Variants in RORB observed in about 807,000 individuals in gnomAD.
RORB encodes RAR related orphan receptor B.
Under a neutral mutation model 59.1 loss-of-function variants are expected in RORB, and 6 were observed. That is an observed-to-expected ratio of 0.10 (90% CI 0.06 to 0.20). The LOEUF is 0.20. Among genes scored for constraint, RORB ranks in the 10% least tolerant of loss-of-function variants. The pLI is 1.00. For synonymous variants in RORB, 215 were observed against 204.5 expected, an observed-to-expected ratio of 1.05 and a Z score of -0.44; for missense variants, 320 against 560.5, an observed-to-expected ratio of 0.57 and a Z score of 4.33.
chr9:74,579,636 G>A (rs892471791), intron 1 of RORB, among the ~76,000 whole-genome samples: 2 of 152,090 alleles, frequency 1.3e-5, no homozygotes, highest in African/African-American at 4.8e-5. Context: ...ACCTGAACTT[G>A]AGAAACCCTT....
intron 1 of RORB, among the ~76,000 whole-genome samples, chr9:74,623,203 T>C (rs1471761298): frequency 1.3e-5 from 2 of 152,178 alleles, no homozygotes; most frequent in Non-Finnish European, 2.9e-5. Context: ...TTGTCAGTAC[T>C]GAGTATCCAA....
rs542742147 is a variant in RORB at position 74,576,077 on chromosome 9, T to C, written c.8-54205T>C. On this transcript the variant is annotated intron_variant, in intron 1 of 9. Coordinates refer to ENST00000376896, the MANE Select transcript of RORB (RefSeq NM_006914.4). ...GATGTTCAATAAATATTAAACAGCC[T>C]CGCTGTTTGTGGGAAGCTTCAAGTA... Among the ~76,000 whole-genome samples, 3 of 152,232 alleles carry C rather than the reference T, an allele frequency of 2.0e-5. No individual in the cohort carries two copies. The East Asian group carries it at 5.8e-4, about 29-fold the overall frequency.
intron 1 of RORB, among the ~76,000 whole-genome samples, chr9:74,580,432 G>A (rs1002437276): frequency 6.6e-6 from 1 of 152,044 alleles, no homozygotes; most frequent in Non-Finnish European, 1.5e-5. Flanking sequence ...TTCCTTGATT[G>A]GGATCCAGAA....
chr9:74,612,662 G>A lies in RORB; in HGVS notation c.8-17620G>A, dbSNP rs543042217. On this transcript the variant is annotated intron_variant, in intron 1 of 9. Transcript: ENST00000376896. ...GCTGGATTTTTATCAAGGCTCAGTAGACATAAAGATGTATAAGTTTCTACC... is the reference window on the plus strand; with the variant it reads ...GCTGGATTTTTATCAAGGCTCAGTAAACATAAAGATGTATAAGTTTCTACC... Among the ~76,000 whole-genome samples the A allele has an allele frequency of 2.0e-5, 3 of 152,230 alleles. No homozygotes were observed. In the South Asian group the frequency reaches 6.2e-4, roughly 32 times the overall value.
intron 1 of RORB, among the ~76,000 whole-genome samples, chr9:74,612,602 T>C (rs776164076): frequency 1.3e-5 from 2 of 152,196 alleles, no homozygotes; most frequent in Non-Finnish European, 2.9e-5. Flanking sequence ...CCTTTGATTC[T>C]CTTTTGTACC....
intron 1 of RORB, among the ~76,000 whole-genome samples, chr9:74,568,699 C>CAAAAAAAAA (rs34771605): frequency 3.7e-5 from 4 of 107,358 alleles, no homozygotes; most frequent in Non-Finnish European, 5.5e-5. Flanking sequence ...GACTCCATCT[C>CAAAAAAAAA]AAAAAAAAAA....
Position 74,599,070 on chromosome 9 carries a change from C to T in RORB, c.8-31212C>T, listed in dbSNP as rs917904709. ...CCACCTGCATAACCCGAACACCTCCCGCTAGACCACACCTCCTGACACTTT... is the reference window on the plus strand; with the variant it reads ...CCACCTGCATAACCCGAACACCTCCTGCTAGACCACACCTCCTGACACTTT... On this transcript the variant is annotated intron_variant, in intron 1 of 9. Coordinates refer to ENST00000376896, the MANE Select transcript of RORB (RefSeq NM_006914.4). Among the ~76,000 whole-genome samples the T allele has an allele frequency of 5.3e-5, 8 of 152,128 alleles. No homozygotes were observed. The East Asian group carries it at 7.7e-4, about 15-fold the overall frequency.
chr9:74,630,904 T>C (rs879421479), intron 2 of RORB, among the ~76,000 whole-genome samples: 4 of 151,934 alleles, frequency 2.6e-5, no homozygotes, highest in Non-Finnish European at 5.9e-5. Context: ...CTAAATCGAC[T>C]AAAATTCACC....
intron 1 of RORB, among the ~76,000 whole-genome samples, chr9:74,513,490 T>A (rs1327882383): frequency 6.6e-6 from 1 of 152,104 alleles, no homozygotes; most frequent in Non-Finnish European, 1.5e-5. Flanking sequence ...TTATCAATTG[T>A]GTTCTAGTGA....
chr9:74,604,158 C>T (rs184350180), intron 1 of RORB, among the ~76,000 whole-genome samples: 1 of 152,098 alleles, frequency 6.6e-6, no homozygotes, highest in Admixed American at 6.6e-5. Flanking sequence ...AGGACATATC[C>T]AATGCTGATG....
At chr9:74,633,018 ACTCT>A (rs372511671) in intron 2 of RORB, among the ~76,000 whole-genome samples, 1 of 151,092 alleles carries the variant, frequency 6.6e-6, no homozygotes, top group East Asian at 1.9e-4. Context: ...GCCAGTTGGG[ACTCT>A]CTCTCTCTCT....
rs1044232777 is a variant in RORB, at chr9:74,618,030, G to A, written c.8-12252G>A. Among the ~76,000 whole-genome samples, 4 of 152,036 alleles carry A rather than the reference G, an allele frequency of 2.6e-5. No individual in the cohort carries two copies. The East Asian group carries it at 5.8e-4, about 22-fold the overall frequency. Reference sequence around the variant, plus strand: ...GCTGGAACATAAATTATATAACAACGTAATTTTCAGTGCAGAAATTGACAA... The same window carrying A: ...GCTGGAACATAAATTATATAACAACATAATTTTCAGTGCAGAAATTGACAA... On this transcript the variant is annotated intron_variant, in intron 1 of 9. Coordinates refer to ENST00000376896, the MANE Select transcript of RORB (RefSeq NM_006914.4).
intron 1 of RORB, among the ~76,000 whole-genome samples, chr9:74,588,425 T>A (rs1487424508): frequency 6.6e-6 from 1 of 152,224 alleles, no homozygotes; most frequent in Non-Finnish European, 1.5e-5. Flanking sequence ...CAATGAATTT[T>A]GATGTTCGCC....
chr9:74,629,709 C>A (rs545303922), intron 1 of RORB, among the ~76,000 whole-genome samples: 30 of 152,226 alleles, frequency 2.0e-4, no homozygotes, highest in Admixed American at 9.8e-4. Context: ...ATGTTATCCT[C>A]CATCAATATC....
intron 8 of RORB, among the ~76,000 whole-genome samples, chr9:74,668,717 C>A (rs1045078788): frequency 3.2e-4 from 48 of 152,136 alleles, no homozygotes; most frequent in African/African-American, 1.1e-3. Flanking sequence ...AGGTCTTCAT[C>A]ATGGTCGTCT....
chr9:74,675,400 G>C (rs1824421228), intron 9 of RORB, among the ~76,000 whole-genome samples: 1 of 151,758 alleles, frequency 6.6e-6, no homozygotes, highest in Non-Finnish European at 1.5e-5. Context: ...TGTTCTCTGG[G>C]CTTCACTTTT....
intron 9 of RORB, among the ~76,000 whole-genome samples, chr9:74,676,774 T>C (rs1182582391): frequency 1.3e-5 from 2 of 152,250 alleles, no homozygotes; most frequent in Admixed American, 6.5e-5. Context: ...GCTCTCTCTT[T>C]TCCCGTTATT....
chr9:74,628,777 G>T (rs147414283), intron 1 of RORB, among the ~76,000 whole-genome samples: 2 of 152,276 alleles, frequency 1.3e-5, no homozygotes, highest in Non-Finnish European at 2.9e-5. Flanking sequence ...AGAGGAAATA[G>T]CAGATCTTCT....
chr9:74,676,570 G>T (rs1465319724), intron 9 of RORB, among the ~76,000 whole-genome samples: 1 of 152,190 alleles, frequency 6.6e-6, no homozygotes, highest in Non-Finnish European at 1.5e-5. Flanking sequence ...TGCTTTACAT[G>T]CAAGCTTTCC....
Sources: allele counts gnomAD v4.1 joint callset (sites outside exome capture counted in the v4.1 genomes callset), GRCh38; gene constraint gnomAD v4.1.1; transcripts MANE v1.5; gene names NCBI Gene and HGNC (gene_info 2026-07-23, HGNC 2026-07-21).